The following RNF2 variants were observed in gnomAD, a reference collection of about 807,000 sequenced individuals.
RNF2 encodes ring finger protein 2.
A neutral mutation model predicts 37.2 loss-of-function variants in RNF2; 6 were observed. That is an observed-to-expected ratio of 0.16 (90% CI 0.09 to 0.32). The LOEUF (loss-of-function observed/expected upper bound fraction) is 0.32, where lower values mean the gene tolerates loss of function less well. RNF2 is among the 10% of genes least tolerant of loss of function. The probability of loss-of-function intolerance (pLI) is 1.00; values close to 1 mark genes in which losing one functional copy is unlikely to be tolerated. For synonymous variants in RNF2, 133 were observed against 132.7 expected, an observed-to-expected ratio of 1.00 and a Z score of -0.02; for missense variants, 251 against 404.0, an observed-to-expected ratio of 0.62 and a Z score of 3.25.
chr1:185,088,556 CAA>C (rs35586940), intron 2 of RNF2, among the ~76,000 whole-genome samples: 3 of 130,162 alleles, frequency 2.3e-5, no homozygotes, highest in Non-Finnish European at 1.6e-5. Context: ...AACTCCGTCT[CAA>C]AAAAAAAAAA....
At chr1:185,091,876 C>A in intron 3 of RNF2, 137 bp downstream of exon 3, 1 of 785,662 alleles carries the variant, frequency 1.3e-6, no homozygotes, top group Non-Finnish European at 2.0e-6. Context: ...AGTGCAATGG[C>A]ACGATCTTGG....
chr1:185,046,840 C>T (rs1650136505), intron 1 of RNF2, among the ~76,000 whole-genome samples: 1 of 152,160 alleles, frequency 6.6e-6, no homozygotes, highest in African/African-American at 2.4e-5. Flanking sequence ...AATACTTAGT[C>T]TAATTGGTAG....
intron 4 of RNF2, 81 bp downstream of exon 4, chr1:185,093,357 T>C (rs947375336): frequency 3.1e-6 from 4 of 1,270,258 alleles, no homozygotes; most frequent in East Asian, 2.5e-5. Context: ...TTGAAAAAGG[T>C]AAAATACAGT....
intron 1 of RNF2, among the ~76,000 whole-genome samples, chr1:185,085,184 T>C (rs1394982833): frequency 7.1e-6 from 1 of 140,720 alleles, no homozygotes; most frequent in African/African-American, 2.7e-5. Flanking sequence ...AGTCTCACTC[T>C]GTCACCCAGG....
chr1:185,095,188 G>A (rs1374152961), intron 4 of RNF2, among the ~76,000 whole-genome samples: 1 of 152,192 alleles, frequency 6.6e-6, no homozygotes, highest in African/African-American at 2.4e-5. Context: ...GGACTTTAAT[G>A]GTTGTTCAGT....
In RNF2 at chr1:185,070,786, C is replaced by G. The variant is rs192804880; in HGVS notation, c.-2-16766C>G. Among the ~76,000 whole-genome samples, 866 of 151,986 alleles carry G rather than the reference C, an allele frequency of 5.7e-3. 14 individuals are homozygous for G. The highest frequency in any genetic ancestry group is 0.02 in the African/African-American group (810 of 41,442). On this transcript the variant is annotated intron_variant, in intron 1 of 6. Coordinates refer to ENST00000367510, the MANE Select transcript of RNF2 (RefSeq NM_007212.4). Reference sequence around the variant, plus strand: ...CCCGAGTAGCTGGGACTGCAGGTGCCCGCCACCTCGCCGGCTCATTTTTTT... The same window carrying G: ...CCCGAGTAGCTGGGACTGCAGGTGCGCGCCACCTCGCCGGCTCATTTTTTT...
At chr1:185,047,648 G>A (rs1269285828) in intron 1 of RNF2, among the ~76,000 whole-genome samples, 3 of 152,170 alleles carry the variant, frequency 2.0e-5, no homozygotes, top group Non-Finnish European at 4.4e-5. Flanking sequence ...AGAGAAATGA[G>A]TTAATATTAA....
intron 1 of RNF2, among the ~76,000 whole-genome samples, chr1:185,067,093 A>G (rs980958443): frequency 1.8e-4 from 28 of 152,252 alleles, no homozygotes; most frequent in African/African-American, 6.5e-4. Flanking sequence ...TGTATGTTCC[A>G]TATTGTGGAA....
intron 1 of RNF2, among the ~76,000 whole-genome samples, chr1:185,074,248 A>T (rs1372928964): frequency 6.6e-6 from 1 of 152,202 alleles, no homozygotes; most frequent in Admixed American, 6.5e-5. Context: ...ATCATTTAAA[A>T]ATTTAATGGA....
At chr1:185,062,149 GGTAGCT>G (rs1265603084) in intron 1 of RNF2, among the ~76,000 whole-genome samples, 1 of 152,182 alleles carries the variant, frequency 6.6e-6, no homozygotes, top group Non-Finnish European at 1.5e-5. Context: ...GAAAGAGGCA[GGTAGCT>G]TTGTGACAGT....
chr1:185,057,412 A>G (rs1475822612), intron 1 of RNF2, among the ~76,000 whole-genome samples: 1 of 152,194 alleles, frequency 6.6e-6, no homozygotes, highest in African/African-American at 2.4e-5. Flanking sequence ...GAACCATAGT[A>G]TATTTAATCA....
At chr1:185,051,093 A>T (rs2102149953) in intron 1 of RNF2, among the ~76,000 whole-genome samples, 1 of 152,236 alleles carries the variant, frequency 6.6e-6, no homozygotes, top group East Asian at 1.9e-4. Flanking sequence ...CTTGTTTCCC[A>T]CACCATTCAC....
At chr1:185,083,092 C>G (rs1162938231) in intron 1 of RNF2, among the ~76,000 whole-genome samples, 1 of 152,156 alleles carries the variant, frequency 6.6e-6, no homozygotes, top group Non-Finnish European at 1.5e-5. Context: ...AGGCTCTGGC[C>G]ATTGTTTTTT....
intron 1 of RNF2, among the ~76,000 whole-genome samples, chr1:185,056,710 C>T (rs1011928472): frequency 1.5e-5 from 2 of 135,842 alleles, no homozygotes; most frequent in Non-Finnish European, 3.3e-5. Flanking sequence ...TATTTTTAAT[C>T]CCTGTGTTCA....
At chr1:185,057,105 C>A (rs1229952725) in intron 1 of RNF2, among the ~76,000 whole-genome samples, 1 of 151,982 alleles carries the variant, frequency 6.6e-6, no homozygotes, top group African/African-American at 2.4e-5. Flanking sequence ...ACTAGGAGTT[C>A]AAGACCAGCC....
intron 1 of RNF2, among the ~76,000 whole-genome samples, chr1:185,050,307 A>G (rs891562930): frequency 6.6e-6 from 1 of 152,236 alleles, no homozygotes; most frequent in Non-Finnish European, 1.5e-5. Flanking sequence ...AATGAGTGCT[A>G]TGTTTTGGGA....
At chr1:185,085,065 C>T (rs764279009) in intron 1 of RNF2, among the ~76,000 whole-genome samples, 4 of 151,924 alleles carry the variant, frequency 2.6e-5, no homozygotes, top group Admixed American at 6.5e-5. Context: ...GCTCTTCCAA[C>T]GCATACTTTT....
chr1:185,065,679 C>T lies in RNF2; in HGVS notation c.-3+20030C>T, dbSNP rs1191070162. ...GGAAGGAAGAAACTCCTAGACACCT[C>T]TGAAGGAACAAATTCCGGACACACC... On this transcript the variant is annotated intron_variant, in intron 1 of 6. Coordinates refer to ENST00000367510, the MANE Select transcript of RNF2 (RefSeq NM_007212.4). Among the ~76,000 whole-genome samples, 3 of 152,130 alleles carry T rather than the reference C, an allele frequency of 2.0e-5. No homozygotes were observed. In the East Asian group the frequency reaches 5.8e-4, roughly 29 times the overall value.
chr1:185,096,997 T>C (rs1045487840), intron 4 of RNF2, among the ~76,000 whole-genome samples: 2 of 152,190 alleles, frequency 1.3e-5, no homozygotes, highest in African/African-American at 4.8e-5. Context: ...TTCTTATCTA[T>C]ACAGGTAGGG....
Sources: gnomAD v4.1 joint callset for allele counts (sites outside exome capture counted in the v4.1 genomes callset) on GRCh38, gnomAD v4.1.1 for gene constraint, MANE v1.5 for transcripts, NCBI Gene and HGNC (gene_info 2026-07-23, HGNC 2026-07-21) for gene names.